SNX20: variants seen among roughly 807,000 people sequenced by gnomAD.
SNX20 encodes the protein sorting nexin 20, also known as sorting nexin-20.
SNX20 carries 21 observed loss-of-function variants against 24.5 expected under a neutral mutation model. The observed-to-expected ratio is 0.86, with a 90% CI of 0.61 to 1.23. SNX20 has a LOEUF of 1.23. SNX20 is among the 50% of genes most tolerant of loss of function. SNX20 has a pLI of 0.00. For synonymous variants in SNX20, 206 were observed against 192.8 expected, an observed-to-expected ratio of 1.07 and a Z score of -0.57; for missense variants, 433 against 430.8, an observed-to-expected ratio of 1.00 and a Z score of -0.04.
chr16:50,674,122 C>G, intron 3 of SNX20, 48 bp from the exon 4 acceptor site: 10 of 1,536,274 alleles, frequency 6.5e-6, no homozygotes, highest in Non-Finnish European at 8.7e-6. Context: ...GCGGGGGCTG[C>G]GGCGGACGGA....
chr16:50,668,215 C>G (rs910571914), downstream of SNX20: 4 of 1,477,120 alleles, frequency 2.7e-6, no homozygotes, highest in Non-Finnish European at 3.6e-6. Context: ...ACGGGCAACA[C>G]GGGATGATCA....
rs80335381 is a variant in SNX20 at position 50,677,717 on chromosome 16, C to G, written c.-9-182G>C. Among the ~76,000 whole-genome samples the G allele has an allele frequency of 1.5e-3, 231 of 152,346 alleles. 1 individual carries two copies. The highest frequency in any genetic ancestry group is 5.0e-3 in the African/African-American group (209 of 41,590). The stretch of plus-strand genomic sequence containing the variant: ...TCCCAAATCTGGGTCTGCCCCTTTG[C>G]TGGGCAGGTTACTCCAAGGCAGAGA... On this transcript the variant is annotated intron_variant, in intron 1 of 3. Transcript: ENST00000330943.
At chr16:50,680,378 G>A (rs1451996751) in intron 1 of SNX20, among the ~76,000 whole-genome samples, 1 of 152,096 alleles carries the variant, frequency 6.6e-6, no homozygotes, top group Non-Finnish European at 1.5e-5. Context: ...TTGGCCTGGG[G>A]GCCTGTAGTT....
rs747045835 is a variant in SNX20, at chr16:50,675,843, C to T, written c.209G>A (p.Arg70His). ...AAAGAGCAGTTTGACGTGCTTCCAGCGGCATTTCTGGTTCTGCCAGTACTG... is the reference window on the plus strand; with the variant it reads ...AAAGAGCAGTTTGACGTGCTTCCAGTGGCATTTCTGGTTCTGCCAGTACTG... ...LQQYWQNQKC[R>H]WKHVKLLFEI... Residue 70 changes from arginine to histidine, a missense_variant, in exon 3 of 4, where the codon CGC becomes CAC. Physicochemically the swap from Arg to His is conservative, Grantham distance 29 (BLOSUM62 0). Coordinates refer to ENST00000330943, the MANE Select transcript of SNX20 (RefSeq NM_182854.4). The T allele has an allele frequency of 5.6e-5, 90 of 1,613,478 alleles. 1 individual carries two copies. In the Admixed American group the frequency reaches 9.2e-4, roughly 16 times the overall value.
chr16:50,676,313 A>G (rs548802576), intron 2 of SNX20, among the ~76,000 whole-genome samples: 2 of 152,068 alleles, frequency 1.3e-5, no homozygotes, highest in East Asian at 3.9e-4. Context: ...GACTGTTGCC[A>G]CGACTCCTTG....
At chr16:50,675,992 G>T in intron 2 of SNX20, 71 bp from the exon 3 acceptor site, 4 of 1,477,350 alleles carry the variant, frequency 2.7e-6, no homozygotes, top group Non-Finnish European at 3.6e-6. Flanking sequence ...TGGGGAGATG[G>T]CTGGGTCTAT....
At chr16:50,668,019 G>C (rs1962955229), downstream of SNX20, 12 of 1,551,698 alleles carry the variant, frequency 7.7e-6, no homozygotes, top group Non-Finnish European at 1.0e-5. Context: ...TTGATATCAG[G>C]GTGTGGCGTC....
downstream of SNX20, chr16:50,668,190 G>A (rs1962959841): frequency 6.6e-7 from 1 of 1,508,272 alleles, no homozygotes; most frequent in South Asian, 1.3e-5. Context: ...GACCCCAGAT[G>A]GTCTGCAGCA....
rs754770486 is a variant in SNX20 at position 50,673,890 on chromosome 16, TC to T, written c.466del (p.Glu156SerfsTer130). 2 of 1,610,100 alleles carry T rather than the reference TC, an allele frequency of 1.2e-6. No individual in the cohort carries two copies. Among genetic ancestry groups the T allele is most frequent in the Admixed American group, 3.3e-5 (2 of 59,868 alleles). On this transcript the variant is annotated frameshift_variant, in exon 4 of 4. Transcript: ENST00000330943. LOFTEE classifies it high-confidence loss of function. This position sits in a 1 kb window ranked among gnomAD's most constrained non-coding sequence, Gnocchi z 4.1. Reference sequence around the variant, plus strand: ...GTACTCCTGCAGGGCGCGCCGACGCTCACAGATCATCTCCTCAGCGAAGTTC... The same window carrying T: ...GTACTCCTGCAGGGCGCGCCGACGCTACAGATCATCTCCTCAGCGAAGTTC... ...TGNFAEEMIC[E>X]RRRALQEYLG...
At chr16:50,671,099 A>G (rs1305437704), downstream of SNX20, 1 of 92,954 alleles carries the variant, frequency 1.1e-5, no homozygotes, top group Non-Finnish European at 2.0e-5. Flanking sequence ...CACCCCACAC[A>G]TATCATCTAT....
chr16:50,680,582 A>T (rs1180904014), intron 1 of SNX20, among the ~76,000 whole-genome samples: 1 of 152,098 alleles, frequency 6.6e-6, no homozygotes, highest in Non-Finnish European at 1.5e-5. Context: ...AGGACTTTTC[A>T]TGGGGGATGA....
rs1963075387 is a variant in SNX20, at chr16:50,672,589, G to C, written c.*817C>G. The C allele has an allele frequency of 6.6e-6, 1 of 151,710 alleles. No individual in the cohort carries two copies. The highest frequency in any genetic ancestry group is 6.6e-5 in the Admixed American group (1 of 15,164). The allele number at this position is 151,710 out of a possible 1,614,324, so 9.4% of individuals were successfully genotyped here. ...GGTGAGCTTTTGTTTTGCTTTGTCA[G>C]GTCTACATGGTAAGGGGGAAGGGCT... On this transcript the variant is annotated 3_prime_UTR_variant, in exon 4 of 4. Coordinates refer to ENST00000330943, the MANE Select transcript of SNX20 (RefSeq NM_182854.4).
intron 1 of SNX20, 28 bp downstream of exon 1, chr16:50,681,162 A>G (rs913037485): frequency 6.5e-6 from 1 of 152,712 alleles, no homozygotes; most frequent in Non-Finnish European, 1.5e-5. Flanking sequence ...CAGGCAGAGG[A>G]CAGCTGAGCT....
intron 1 of SNX20, among the ~76,000 whole-genome samples, chr16:50,680,391 C>T (rs1963271433): frequency 6.6e-6 from 1 of 152,154 alleles, no homozygotes; most frequent in Non-Finnish European, 1.5e-5. Context: ...CTGTAGTTGG[C>T]CCAGGGGACA....
intron 1 of SNX20, among the ~76,000 whole-genome samples, chr16:50,679,640 G>A (rs1282570027): frequency 6.6e-6 from 1 of 152,204 alleles, no homozygotes; most frequent in Non-Finnish European, 1.5e-5. Context: ...CTGACCAACC[G>A]TGTGTCCTTA....
chr16:50,666,930 G>A (rs75185983), downstream of SNX20: 2,434 of 151,460 alleles, frequency 0.016, 68 homozygotes, highest in Non-Finnish European at 0.021. Flanking sequence ...AGAAGAGACA[G>A]AGAAAGCGAA....
chr16:50,675,620 T>C (rs1423373486), intron 3 of SNX20, 150 bp downstream of exon 3: 2 of 961,320 alleles, frequency 2.1e-6, no homozygotes, highest in Admixed American at 5.8e-5. Flanking sequence ...CCTGAAATCT[T>C]GCTCTTTGGC....
downstream of SNX20, chr16:50,669,361 G>A (rs1303982399): frequency 2.1e-5 from 11 of 533,516 alleles, no homozygotes; most frequent in Non-Finnish European, 3.7e-5. Flanking sequence ...GGGAGTTCGT[G>A]ACTTACATGG....
chr16:50,675,034 C>A (rs1174598282), intron 3 of SNX20, among the ~76,000 whole-genome samples: 1 of 152,168 alleles, frequency 6.6e-6, no homozygotes, highest in African/African-American at 2.4e-5. Flanking sequence ...CCTACCTCAC[C>A]CAGTGAGGAT....
Sources: allele counts gnomAD v4.1 joint callset (sites outside exome capture counted in the v4.1 genomes callset), GRCh38; gene constraint gnomAD v4.1.1; non-coding constraint Gnocchi (gnomAD v3.1); transcripts MANE v1.5; gene names NCBI Gene and HGNC (gene_info 2026-07-23, HGNC 2026-07-21).